ATOSA: variants seen among roughly 807,000 people sequenced by gnomAD.
ATOSA encodes atos homolog A, also known as atos homolog protein A.
chr15:52,602,211 C>G, the ATOSA span, among the ~76,000 whole-genome samples: 1 of 152,188 alleles, frequency 6.6e-6, no homozygotes, highest in South Asian at 2.1e-4. Flanking sequence ...TTTAATTCAT[C>G]TGTATGTGTA....
At chr15:52,681,218 ATT>A in the ATOSA span, among the ~76,000 whole-genome samples, 2 of 152,244 alleles carry the variant, frequency 1.3e-5, no homozygotes, top group East Asian at 3.8e-4. Flanking sequence ...ATTTGAAATC[ATT>A]ATGGCAGCAG....
the ATOSA span, among the ~76,000 whole-genome samples, chr15:52,626,062 G>A: frequency 6.6e-6 from 1 of 152,156 alleles, no homozygotes; most frequent in South Asian, 2.1e-4. Context: ...CATAGTGTAT[G>A]CCATATAAGT....
the ATOSA span, among the ~76,000 whole-genome samples, chr15:52,677,198 G>T: frequency 1.1e-4 from 17 of 152,152 alleles, no homozygotes; most frequent in Non-Finnish European, 2.5e-4. Context: ...TAAAGACTTG[G>T]ATTTGGAAGG....
the ATOSA span, among the ~76,000 whole-genome samples, chr15:52,674,721 T>C: frequency 6.6e-6 from 1 of 152,004 alleles, no homozygotes; most frequent in African/African-American, 2.4e-5. Context: ...CAGAACAAAA[T>C]AGCATTAGGT....
At chr15:52,613,771 A>G in the ATOSA span, 2 of 1,613,958 alleles carry the variant, frequency 1.2e-6, no homozygotes, top group South Asian at 1.1e-5. Flanking sequence ...TTTACAGAAC[A>G]TTCAGGTGTT....
At chr15:52,589,204 T>C in the ATOSA span, among the ~76,000 whole-genome samples, 1 of 152,228 alleles carries the variant, frequency 6.6e-6, no homozygotes, top group African/African-American at 2.4e-5. Flanking sequence ...ATTTATCTCT[T>C]ACAATCTGCC....
chr15:52,704,768 G>T, the ATOSA span, among the ~76,000 whole-genome samples: 1 of 152,092 alleles, frequency 6.6e-6, no homozygotes, highest in Non-Finnish European at 1.5e-5. Context: ...GGTCATCACT[G>T]GTCCTCAGAG....
chr15:52,700,468 T>C, the ATOSA span, among the ~76,000 whole-genome samples: 1 of 152,036 alleles, frequency 6.6e-6, no homozygotes, highest in Non-Finnish European at 1.5e-5. Context: ...TCCATAGCTT[T>C]CAGGTTCTCA....
the ATOSA span, chr15:52,582,431 T>A: frequency 2.7e-6 from 2 of 737,442 alleles, no homozygotes; most frequent in Non-Finnish European, 2.1e-6. Flanking sequence ...ACTAACTCTT[T>A]AACATGATAT....
the ATOSA span, among the ~76,000 whole-genome samples, chr15:52,681,631 G>A: frequency 6.6e-6 from 1 of 152,196 alleles, no homozygotes. Context: ...TGAAGGGTAA[G>A]GGTAAGCAAG....
the ATOSA span, among the ~76,000 whole-genome samples, chr15:52,679,757 TCCTC>T: frequency 4.6e-4 from 3 of 6,574 alleles, no homozygotes; most frequent in African/African-American, 1.8e-3. Context: ...AGTCGTCGTC[TCCTC>T]CTCCTCCTCC....
At chr15:52,650,464 G>T in the ATOSA span, among the ~76,000 whole-genome samples, 1 of 152,150 alleles carries the variant, frequency 6.6e-6, no homozygotes, top group Middle Eastern at 3.4e-3. Flanking sequence ...GGACTATTTT[G>T]TAAATTTTCA....
At chr15:52,619,619 G>A in the ATOSA span, among the ~76,000 whole-genome samples, 1 of 152,204 alleles carries the variant, frequency 6.6e-6, no homozygotes, top group Non-Finnish European at 1.5e-5. Flanking sequence ...ATCAACTTGA[G>A]GTCAGGGGTT....
the ATOSA span, among the ~76,000 whole-genome samples, chr15:52,588,036 G>C: frequency 6.6e-6 from 1 of 152,112 alleles, no homozygotes; most frequent in Non-Finnish European, 1.5e-5. Flanking sequence ...GCTAAATTAG[G>C]GTCATGTCAC....
At chr15:52,607,891 GT>G in the ATOSA span, among the ~76,000 whole-genome samples, 3 of 151,798 alleles carry the variant, frequency 2.0e-5, no homozygotes, top group African/African-American at 7.3e-5. Context: ...TTCTGTTTCT[GT>G]TTTTTTGAAA....
chr15:52,687,078 G>C, the ATOSA span, among the ~76,000 whole-genome samples: 1 of 152,192 alleles, frequency 6.6e-6, no homozygotes, highest in African/African-American at 2.4e-5. Flanking sequence ...ACCCCAAAAA[G>C]CTCTATCAAT....
the ATOSA span, among the ~76,000 whole-genome samples, chr15:52,614,492 GAGTA>G: frequency 6.6e-6 from 1 of 152,008 alleles, no homozygotes; most frequent in Non-Finnish European, 1.5e-5. Flanking sequence ...AAAATTCAGA[GAGTA>G]AGACAAAAAC....
chr15:52,600,983 C>T, the ATOSA span: 1 of 739,018 alleles, frequency 1.4e-6, no homozygotes, highest in Non-Finnish European at 2.3e-6. Context: ...AAATAAGATT[C>T]CTGTTACAAT....
the ATOSA span, among the ~76,000 whole-genome samples, chr15:52,637,524 T>C: frequency 6.6e-6 from 1 of 152,312 alleles, no homozygotes; most frequent in Non-Finnish European, 1.5e-5. Context: ...TACCTCCTAA[T>C]AGCTCTAACC....
Sources: allele counts gnomAD v4.1 joint callset (sites outside exome capture counted in the v4.1 genomes callset), GRCh38; gene constraint gnomAD v4.1.1; transcripts MANE v1.5; gene names NCBI Gene and HGNC (gene_info 2026-07-23, HGNC 2026-07-21).